CCDC102B: variants seen among roughly 807,000 people sequenced by gnomAD.
CCDC102B encodes the protein coiled-coil domain-containing protein 102B.
Under a neutral mutation model 57.4 loss-of-function variants are expected in CCDC102B, and 75 were observed. The observed-to-expected ratio is 1.31, with a 90% CI of 1.08 to 1.58. The LOEUF (loss-of-function observed/expected upper bound fraction) is 1.58, where lower values mean the gene tolerates loss of function less well. Ranked by LOEUF, CCDC102B falls within the 40% of genes most tolerant of loss-of-function variation. The probability of loss-of-function intolerance (pLI) is 0.00; values close to 1 mark genes in which losing one functional copy is unlikely to be tolerated. For missense variants in CCDC102B, 636 were observed against 582.6 expected, an observed-to-expected ratio of 1.09 and a Z score of -0.94; for synonymous variants, 206 against 201.9, an observed-to-expected ratio of 1.02 and a Z score of -0.17.
intron 2 of CCDC102B, among the ~76,000 whole-genome samples, chr18:68,756,883 GT>G (rs2034069213): frequency 5.1e-5 from 2 of 39,276 alleles, no homozygotes; most frequent in African/African-American, 9.4e-5. Flanking sequence ...TATATCTGGT[GT>G]GTGTGTGTGT....
rs58285229 is a variant in CCDC102B at position 68,906,833 on chromosome 18, ATTTTT to A, written c.1263+9417_1263+9421del. 6.7e-5 allele frequency among the ~76,000 whole-genome samples: 9 copies of A among 133,518 alleles called. No homozygotes were observed. The East Asian group carries it at 1.8e-3, about 26-fold the overall frequency. 87.6% of individuals were successfully genotyped at this position (133,518 alleles called of 152,430 possible). On this transcript the variant is annotated intron_variant, in intron 6 of 7. Coordinates refer to ENST00000360242, the MANE Select transcript of CCDC102B (RefSeq NM_024781.3). ...GCAGTTTTACATTTTGACGAATTCT[ATTTTT>A]TTTTTTTTTTTGTCATTTATGCTTC...
chr18:68,864,241 T>A (rs996013440), intron 4 of CCDC102B, among the ~76,000 whole-genome samples: 1 of 152,058 alleles, frequency 6.6e-6, no homozygotes, highest in Non-Finnish European at 1.5e-5. Context: ...TTTGCTCTTC[T>A]GTTCCTTCTA....
At chr18:68,751,009 A>G (rs892350902) in intron 2 of CCDC102B, among the ~76,000 whole-genome samples, 1 of 152,174 alleles carries the variant, frequency 6.6e-6, no homozygotes, top group Admixed American at 6.5e-5. Flanking sequence ...CAGTAGTCAC[A>G]TGGTGCAGCT....
chr18:68,800,978 A>G (rs1288132316), intron 1 of CCDC102B, among the ~76,000 whole-genome samples: 1 of 152,168 alleles, frequency 6.6e-6, no homozygotes, highest in Non-Finnish European at 1.5e-5. Context: ...TTTCAATGAA[A>G]TAAAAATTAT....
chr18:68,853,737 G>A (rs1367423517), intron 4 of CCDC102B, among the ~76,000 whole-genome samples: 4 of 139,412 alleles, frequency 2.9e-5, no homozygotes, highest in Non-Finnish European at 6.0e-5. Flanking sequence ...ATGGTCCTCT[G>A]CATTCCTTTA....
At chr18:68,910,839 A>G (rs182085618) in intron 6 of CCDC102B, among the ~76,000 whole-genome samples, 3 of 152,256 alleles carry the variant, frequency 2.0e-5, no homozygotes, top group East Asian at 3.9e-4. Flanking sequence ...AAGCTGTGCC[A>G]TAAGAACCAA....
At chr18:69,000,333 A>T (rs2051167096) in intron 6 of CCDC102B, among the ~76,000 whole-genome samples, 1 of 152,198 alleles carries the variant, frequency 6.6e-6, no homozygotes. Context: ...ATAAAACTTC[A>T]TAATCATGGA....
At chr18:68,943,346 G>T (rs2049440196) in intron 6 of CCDC102B, among the ~76,000 whole-genome samples, 1 of 152,044 alleles carries the variant, frequency 6.6e-6, no homozygotes, top group African/African-American at 2.4e-5. Flanking sequence ...GGCAGATATT[G>T]TTCATATCTT....
chr18:68,809,654 G>C (rs2144706773), intron 1 of CCDC102B, among the ~76,000 whole-genome samples: 1 of 152,202 alleles, frequency 6.6e-6, no homozygotes, highest in South Asian at 2.1e-4. Flanking sequence ...TCAAAGGTAA[G>C]CTCCATGAGA....
At chr18:68,999,808 G>C (rs2051151499) in intron 6 of CCDC102B, among the ~76,000 whole-genome samples, 1 of 152,010 alleles carries the variant, frequency 6.6e-6, no homozygotes, top group African/African-American at 2.4e-5. Flanking sequence ...CTGATACTTG[G>C]TCTAGAGAAT....
At chr18:68,940,059 A>G (rs1202002877) in intron 6 of CCDC102B, among the ~76,000 whole-genome samples, 1 of 151,284 alleles carries the variant, frequency 6.6e-6, no homozygotes, top group Non-Finnish European at 1.5e-5. Flanking sequence ...TCAGTATTCC[A>G]TTTTTTTTAG....
chr18:69,053,757 A>T (rs1267593397), intron 7 of CCDC102B, among the ~76,000 whole-genome samples: 1 of 151,820 alleles, frequency 6.6e-6, no homozygotes, highest in African/African-American at 2.4e-5. Flanking sequence ...CATGTTTTTC[A>T]ATTTAAATTT....
At chr18:68,869,278 C>T (rs2039135709) in intron 4 of CCDC102B, among the ~76,000 whole-genome samples, 1 of 152,068 alleles carries the variant, frequency 6.6e-6, no homozygotes, top group Non-Finnish European at 1.5e-5. Flanking sequence ...GGATTGACAC[C>T]AAGCAAGACA....
intron 1 of CCDC102B, among the ~76,000 whole-genome samples, chr18:68,830,311 C>T (rs2037092456): frequency 6.6e-6 from 1 of 151,812 alleles, no homozygotes; most frequent in Non-Finnish European, 1.5e-5. Context: ...CTATTAGCCA[C>T]CTGGAAATAG....
At chr18:68,805,868 T>C (rs1390102609) in intron 1 of CCDC102B, among the ~76,000 whole-genome samples, 1 of 152,174 alleles carries the variant, frequency 6.6e-6, no homozygotes, top group South Asian at 2.1e-4. Context: ...ACATAATTGG[T>C]TTCATTATAT....
At chr18:68,864,026 CAT>C (rs2038870091) in intron 4 of CCDC102B, among the ~76,000 whole-genome samples, 1 of 151,924 alleles carries the variant, frequency 6.6e-6, no homozygotes, top group Non-Finnish European at 1.5e-5. Context: ...TCTGTGCAGA[CAT>C]ATGTGCATTG....
At chr18:68,780,740 C>T (rs2034979682) in intron 2 of CCDC102B, among the ~76,000 whole-genome samples, 1 of 152,078 alleles carries the variant, frequency 6.6e-6, no homozygotes, top group South Asian at 2.1e-4. Context: ...GGGCCCTACT[C>T]TACCATTTTG....
chr18:68,915,340 A>C (rs2041032560), intron 6 of CCDC102B, among the ~76,000 whole-genome samples: 1 of 152,192 alleles, frequency 6.6e-6, no homozygotes, highest in South Asian at 2.1e-4. Flanking sequence ...TGACAAAAAT[A>C]ATTCTACTTT....
At chr18:68,773,377 C>A (rs1214619043) in intron 2 of CCDC102B, among the ~76,000 whole-genome samples, 1 of 151,962 alleles carries the variant, frequency 6.6e-6, no homozygotes, top group Non-Finnish European at 1.5e-5. Flanking sequence ...GCTTCATATG[C>A]AGTAAAGAGA....
Sources: allele counts gnomAD v4.1 joint callset (sites outside exome capture counted in the v4.1 genomes callset), GRCh38; gene constraint gnomAD v4.1.1; transcripts MANE v1.5; gene names NCBI Gene and HGNC (gene_info 2026-07-23, HGNC 2026-07-21).